TMC2: variants seen among roughly 807,000 people sequenced by gnomAD.
The protein encoded by TMC2 is transmembrane channel like 2.
In TMC2, 102 loss-of-function variants were observed where a neutral mutation model predicts 105.9. The ratio of observed to expected loss-of-function variants is 0.96; its 90% CI spans 0.82 to 1.14. TMC2 has a LOEUF of 1.14. TMC2 is among the 50% of genes most tolerant of loss of function. The probability of loss-of-function intolerance (pLI) is 0.00; values close to 1 mark genes in which losing one functional copy is unlikely to be tolerated. For synonymous variants in TMC2, 402 were observed against 422.8 expected (o/e 0.95, Z 0.60); for missense variants, 1,093 against 1,134.3 (o/e 0.96, Z 0.52).
intron 10 of TMC2, among the ~76,000 whole-genome samples, chr20:2,601,514 G>C (rs1238522561): frequency 6.6e-6 from 1 of 152,204 alleles, no homozygotes; most frequent in African/African-American, 2.4e-5. Context: ...GGTAATAACA[G>C]TAACTATTCT....
chr20:2,617,045 C>A (rs368856333), intron 15 of TMC2, 27 bp from the exon 16 acceptor site: 136 of 1,613,566 alleles, frequency 8.4e-5, no homozygotes, highest in Non-Finnish European at 1.1e-4. Flanking sequence ...GTCCAGCCAA[C>A]CAGGTGTTTG....
chr20:2,616,723 A>G lies in TMC2; in HGVS notation c.1941-349A>G, dbSNP rs1222488164. Among the ~76,000 whole-genome samples the G allele has an allele frequency of 2.6e-5, 4 of 152,224 alleles. No individual in the cohort carries two copies. The highest frequency in any genetic ancestry group is 9.6e-5 in the African/African-American group (4 of 41,462). ...TGCAAGCCACTGTCCAATTCTCTCA[A>G]TTGAAGGACTTCAAATACTCTTCTG... is the stretch of plus-strand genomic sequence containing the variant. On this transcript the variant is annotated intron_variant, in intron 15 of 19. Transcript: ENST00000358864. This position sits in a 1 kb window ranked among gnomAD's most constrained non-coding sequence, Gnocchi z 4.8.
Position 2,558,303 on chromosome 20 carries a change from C to A in TMC2, c.83-153C>A. 1 of 1,444,904 alleles carries A rather than the reference C, an allele frequency of 6.9e-7. No individual in the cohort carries two copies. Among genetic ancestry groups the A allele is most frequent in the Non-Finnish European group, 9.1e-7 (1 of 1,096,178 alleles). 89.5% of individuals were successfully genotyped at this position (1,444,904 alleles called of 1,614,324 possible). On this transcript the variant is annotated intron_variant, in intron 2 of 19. Coordinates refer to ENST00000358864, the MANE Select transcript of TMC2 (RefSeq NM_080751.3). This position sits in a 1 kb window ranked among gnomAD's most constrained non-coding sequence, Gnocchi z 4.6. ...CTTCAGCTTAAAATACTCAACATGC[C>A]AAGGTGCCATACTTTGGGGTGTCCT...
At chr20:2,595,847 G>A (rs1032412291) in intron 9 of TMC2, among the ~76,000 whole-genome samples, 5 of 152,182 alleles carry the variant, frequency 3.3e-5, no homozygotes, top group African/African-American at 4.8e-5. Flanking sequence ...CAATGGGGAC[G>A]CTTGGTTTTC....
At position 2,581,972 on chromosome 20, in the gene TMC2, G is replaced by A. The variant is rs150549777; in HGVS notation, c.834+1916G>A. 6.3e-3 allele frequency among the ~76,000 whole-genome samples: 955 copies of A among 152,216 alleles called. 15 individuals carry two copies. Among genetic ancestry groups the A allele is most frequent in the African/African-American group, 0.022 (919 of 41,522 alleles). ...GGAAAACCATACTGGAGTGGGTTGA[G>A]AGTAAGAGAGAGAGAGAGATGCTTT... On this transcript the variant is annotated intron_variant, in intron 7 of 19. Transcript: ENST00000358864.
intron 19 of TMC2, among the ~76,000 whole-genome samples, chr20:2,638,948 T>C (rs983677528): frequency 1.3e-5 from 2 of 152,100 alleles, no homozygotes; most frequent in African/African-American, 2.4e-5. Flanking sequence ...CAGGCTGGAA[T>C]GCAGTGGTGT....
At chr20:2,605,280 A>G (rs1181112165) in intron 11 of TMC2, among the ~76,000 whole-genome samples, 1 of 152,194 alleles carries the variant, frequency 6.6e-6, no homozygotes, top group East Asian at 1.9e-4. Context: ...ATAGTATAGA[A>G]GGAAAAACAT....
At chr20:2,576,964 A>C (rs2086151211) in intron 5 of TMC2, among the ~76,000 whole-genome samples, 1 of 140,258 alleles carries the variant, frequency 7.1e-6, no homozygotes, top group East Asian at 2.1e-4. Flanking sequence ...GCTGGAGTGC[A>C]GTGGTGTGAT....
chr20:2,558,574 G>T lies in TMC2; in HGVS notation c.201G>T (p.Gly67=), dbSNP rs1196771474. ...KERAGGSPSP[G]SPRRKQTGRR... is the part of the protein sequence containing the mutation. ...GCGCCGGGGGCAGCCCAAGCCCGGG[G>T]TCTCCCCGGAGGAAGCAAACAGGGC... Residue 67 remains glycine (G), a synonymous_variant, in exon 3 of 20, where the codon GGG becomes GGT. Transcript: ENST00000358864. The surrounding 1 kb of genome is among the most constrained non-coding windows in gnomAD (Gnocchi z 4.6). The T allele has an allele frequency of 2.1e-5, 32 of 1,553,228 alleles. No homozygotes were observed. In the Admixed American group the frequency reaches 4.9e-4, roughly 24 times the overall value.
intron 17 of TMC2, among the ~76,000 whole-genome samples, chr20:2,628,846 T>C (rs1036799216): frequency 1.3e-5 from 2 of 152,176 alleles, no homozygotes; most frequent in African/African-American, 4.8e-5. Context: ...CTCATGCCTG[T>C]AATCCCAGCA....
At chr20:2,640,765 G>T (rs902006168) in intron 19 of TMC2, among the ~76,000 whole-genome samples, 3 of 152,194 alleles carry the variant, frequency 2.0e-5, no homozygotes, top group Non-Finnish European at 2.9e-5. Context: ...TTGGAAAGTA[G>T]ATCTGATTCC....
chr20:2,578,713 A>AGAGAG (rs11471599), intron 5 of TMC2, among the ~76,000 whole-genome samples: 17,629 of 152,236 alleles, frequency 0.12, 1,208 homozygotes, highest in African/African-American at 0.18. Context: ...TTCCTATCAG[A>AGAGAG]GAGAGGCACT....
intron 7 of TMC2, among the ~76,000 whole-genome samples, chr20:2,589,845 AT>A (rs2086257109): frequency 6.6e-6 from 1 of 152,006 alleles, no homozygotes; most frequent in South Asian, 2.1e-4. Flanking sequence ...AATTTTTTGT[AT>A]TTTTAGTAGA....
At chr20:2,573,732 T>C (rs1204733738) in intron 5 of TMC2, among the ~76,000 whole-genome samples, 1 of 147,134 alleles carries the variant, frequency 6.8e-6, no homozygotes. Context: ...GGCTAATTTT[T>C]TGTGTTTTTA....
At chr20:2,602,090 A>C in intron 10 of TMC2, 23 bp from the exon 11 acceptor site, 1 of 1,575,006 alleles carries the variant, frequency 6.3e-7, no homozygotes, top group Non-Finnish European at 8.7e-7. Context: ...ACATTTATGC[A>C]CATCTCATTT....
intron 18 of TMC2, among the ~76,000 whole-genome samples, chr20:2,636,597 C>T (rs1043980236): frequency 7.6e-6 from 1 of 131,406 alleles, no homozygotes; most frequent in African/African-American, 2.8e-5. Context: ...CTGGTCCCCC[C>T]GTCCACACCT....
chr20:2,625,572 T>C (rs1386143502), intron 17 of TMC2, among the ~76,000 whole-genome samples: 2 of 152,270 alleles, frequency 1.3e-5, no homozygotes, highest in Non-Finnish European at 2.9e-5. Context: ...TCCATGCGGA[T>C]ACATGAGCAC....
At chr20:2,545,921 G>A (rs1353867644) in intron 2 of TMC2, among the ~76,000 whole-genome samples, 1 of 143,302 alleles carries the variant, frequency 7.0e-6, no homozygotes, top group Non-Finnish European at 1.5e-5. Context: ...AGAAAGAAAT[G>A]AAAGAAAGAA....
At chr20:2,584,886 A>G (rs1324828018) in intron 7 of TMC2, among the ~76,000 whole-genome samples, 2 of 152,082 alleles carry the variant, frequency 1.3e-5, no homozygotes, top group African/African-American at 4.8e-5. Flanking sequence ...TGACAAATGT[A>G]TGATCAGGTA....
Sources: gnomAD v4.1 joint callset for allele counts (sites outside exome capture counted in the v4.1 genomes callset) on GRCh38, gnomAD v4.1.1 for gene constraint, Gnocchi (gnomAD v3.1) non-coding constraint, MANE v1.5 for transcripts, NCBI Gene and HGNC (gene_info 2026-07-23, HGNC 2026-07-21) for gene names.